The following EGR3 variants were observed in gnomAD, a reference collection of about 807,000 sequenced individuals.
EGR3 encodes the protein early growth response 3.
Under a neutral mutation model 22.4 loss-of-function variants are expected in EGR3, and 4 were observed. That is an observed-to-expected ratio of 0.18 (90% confidence interval 0.09 to 0.41). EGR3 has a LOEUF of 0.41. Among genes scored for constraint, EGR3 ranks in the 10% least tolerant of loss-of-function variants. EGR3 has a pLI of 1.00. For missense variants in EGR3, 315 were observed against 541.3 expected, an observed-to-expected ratio of 0.58 and a Z score of 4.15; for synonymous variants, 219 against 226.8, an observed-to-expected ratio of 0.97 and a Z score of 0.31.
chr8:22,690,221 G>A lies in EGR3; in HGVS notation c.*252C>T. ...CCGAACTGAACAAAGCGGGCTAGAC[G>A]CCACCTTTCCGCCCCCACGCCTTGG... On this transcript the variant is annotated 3_prime_UTR_variant, in exon 2 of 2. Coordinates refer to ENST00000317216, the MANE Select transcript of EGR3 (RefSeq NM_004430.3). The A allele has an allele frequency of 3.6e-6, 2 of 557,212 alleles. No individual in the cohort carries two copies. The highest frequency in any genetic ancestry group is 6.3e-6 in the Non-Finnish European group (2 of 315,656). The allele number at this position is 557,212 out of a possible 1,614,324, so 34.5% of individuals were successfully genotyped here.
chr8:22,691,773 A>G, intron 1 of EGR3: 2 of 985,104 alleles, frequency 2.0e-6, no homozygotes, highest in Non-Finnish European at 2.4e-6. Flanking sequence ...CGCGAGAAGC[A>G]TTGTTGTTCT....
Position 22,692,934 on chromosome 8 carries a change from T to G in EGR3, c.11A>C (p.Lys4Thr), listed in dbSNP as rs771517550. The G allele has an allele frequency of 6.2e-7, 1 of 1,611,170 alleles. No individual in the cohort carries two copies. Residue 4 changes from lysine (K) to threonine (T), a missense_variant, in exon 1 of 2, where the codon AAA (lysine) becomes ACA (threonine). Lys to Thr is a moderately conservative substitution (Grantham distance 78). Around this residue, in one of 4 missense-constraint regions of EGR3, gnomAD observed 227 missense variants for 303.6 expected, o/e 0.75. Transcript: ENST00000317216. The surrounding 1 kb of genome is among the most constrained non-coding windows in gnomAD (Gnocchi z 6.2). Reference sequence around the variant, plus strand: ...GGTCACCGGCAGCTTCTCGGCGAGTTTGCCGGTCATAGCACTCCCGAGCTG... The same window carrying G: ...GGTCACCGGCAGCTTCTCGGCGAGTGTGCCGGTCATAGCACTCCCGAGCTG... MTG[K>T]LAEKLPVTMS... is the part of the protein sequence containing the mutation.
rs1234240810 is a variant in EGR3 at position 22,693,180 on chromosome 8, C to T, written c.-236G>A. On this transcript the variant is annotated 5_prime_UTR_variant, in exon 1 of 2. Coordinates refer to ENST00000317216, the MANE Select transcript of EGR3 (RefSeq NM_004430.3). ...CCCAGGGGGTAATCCTCTTGGGTGCCTCAGCTGGTGCGGTATGAGGCTGGG... is the reference window on the plus strand; with the variant it reads ...CCCAGGGGGTAATCCTCTTGGGTGCTTCAGCTGGTGCGGTATGAGGCTGGG... The T allele has an allele frequency of 4.6e-5, 18 of 391,072 alleles. No homozygotes were observed. The highest frequency in any genetic ancestry group is 8.0e-5 in the Non-Finnish European group (18 of 225,516). The allele number at this position is 391,072 out of a possible 1,614,324, so 24.2% of individuals were successfully genotyped here. A position where few individuals can be genotyped will look rare whatever the true frequency, so the allele number is the denominator to read the frequency against.
chr8:22,691,282 C>A lies in EGR3; in HGVS notation c.355G>T (p.Ala119Ser). ...GILGVPPASG[A>S]LSTQTSTASM... ...GCCGTGGACGTCTGCGTGCTGAGCG[C>A]CCCTGAAGCCGGGGGCACCCCCAAG... Residue 119 changes from alanine to serine, a missense_variant, in exon 2 of 2, where the codon GCG becomes TCG. Ala to Ser is a moderately conservative substitution (Grantham distance 99, BLOSUM62 1). This residue lies in a region of EGR3 where 227 missense variants were observed against 303.6 expected (regional missense o/e 0.75). Transcript: ENST00000317216. The A allele has an allele frequency of 1.9e-6, 3 of 1,613,960 alleles. No individual in the cohort carries two copies. The highest frequency in any genetic ancestry group is 2.5e-6 in the Non-Finnish European group (3 of 1,180,012).
chr8:22,693,364 GCCA>G lies in EGR3; in HGVS notation c.-423_-421del, dbSNP rs1369697275. The G allele has an allele frequency of 7.8e-5, 4 of 51,438 alleles. No individual in the cohort carries two copies. Among genetic ancestry groups the G allele is most frequent in the Non-Finnish European group, 1.4e-4 (4 of 28,232 alleles). The allele number at this position is 51,438 out of a possible 1,614,324, so 3.2% of individuals were successfully genotyped here. The stretch of plus-strand genomic sequence containing the variant: ...CCGATCTGCCACCGCCACCGCCACC[GCCA>G]CCGCCGCCGCCGCCGCCGCCGCCGC... On this transcript the variant is annotated 5_prime_UTR_variant, in exon 1 of 2. Transcript: ENST00000317216.
chr8:22,691,215 T>C lies in EGR3; in HGVS notation c.422A>G (p.Tyr141Cys). ...GTTGGAGTAGGGGGGTAGCGCGGGA[T>C]ACATGGCCTCCACGTCACCCTGCGG... ...QPPQGDVEAMYPALPPYSNCG... is the reference protein window; with the variant it reads ...QPPQGDVEAMCPALPPYSNCG... The change falls in exon 2 of 2, where the codon TAT (tyrosine) becomes TGT (cysteine). Residue 141 changes from tyrosine to cysteine, a missense_variant. Tyr to Cys is a radical substitution (Grantham distance 194). This residue lies in a region of EGR3 where 227 missense variants were observed against 303.6 expected (regional missense o/e 0.75). Transcript: ENST00000317216. 3 of 1,613,968 alleles carry C rather than the reference T, an allele frequency of 1.9e-6. No individual in the cohort carries two copies. The highest frequency in any genetic ancestry group is 2.5e-6 in the Non-Finnish European group (3 of 1,179,986).
chr8:22,691,546 C>T (rs1249506901), intron 1 of EGR3, 64 bp from the exon 2 acceptor site: 6 of 1,574,486 alleles, frequency 3.8e-6, no homozygotes, highest in Non-Finnish European at 5.2e-6. Flanking sequence ...GGCCGCGGCG[C>T]CCAGGTCCTT....
chr8:22,692,801 C>T lies in EGR3; in HGVS notation c.144G>A (p.Gln48=). 1.2e-6 allele frequency: 2 copies of T among 1,613,436 alleles called. No homozygotes were observed. The highest frequency in any genetic ancestry group is 1.7e-6 in the Non-Finnish European group (2 of 1,179,784). Residue 48 remains glutamine, a synonymous_variant, in exon 1 of 2, where the codon CAG becomes CAA. Transcript: ENST00000317216. The surrounding 1 kb of genome is among the most constrained non-coding windows in gnomAD (Gnocchi z 6.2). ...CCCCGCCGCCCTTACCTGTAGCCAT[C>T]TGATTGTAATGGACTACCGAGTCGC... is the stretch of plus-strand genomic sequence containing the variant. ...GSSDSVVHYN[Q]MATENVMDIG... is the part of the protein sequence containing the mutation.
Position 22,693,370 on chromosome 8 carries a change from G to GCCA in EGR3, c.-427_-426insTGG, listed in dbSNP as rs1384725724. The GCCA allele has an allele frequency of 4.5e-3, 277 of 61,612 alleles. No homozygotes were observed. The highest frequency in any genetic ancestry group is 6.3e-3 in the Non-Finnish European group (211 of 33,712). 3.8% of individuals were successfully genotyped at this position (61,612 alleles called of 1,614,324 possible). A position where few individuals can be genotyped will look rare whatever the true frequency, so the allele number is the denominator to read the frequency against. ...TGCCACCGCCACCGCCACCGCCACC[G>GCCA]CCGCCGCCGCCGCCGCCGCCGCCGC... On this transcript the variant is annotated 5_prime_UTR_variant, in exon 1 of 2. Coordinates refer to ENST00000317216, the MANE Select transcript of EGR3 (RefSeq NM_004430.3).
chr8:22,688,628 A>G lies in EGR3; in HGVS notation c.*1845T>C, dbSNP rs1008319274. The G allele has an allele frequency of 6.6e-6, 1 of 152,668 alleles. No individual in the cohort carries two copies. The highest frequency in any genetic ancestry group is 1.5e-5 in the Non-Finnish European group (1 of 68,052). 9.5% of individuals were successfully genotyped at this position (152,668 alleles called of 1,614,324 possible). Reference sequence around the variant, plus strand: ...ACTTCTTTTTCTTAAAAAAGAAAAAAGTGGAAAACGCATAAAGTGACTTTA... The same window carrying G: ...ACTTCTTTTTCTTAAAAAAGAAAAAGGTGGAAAACGCATAAAGTGACTTTA... On this transcript the variant is annotated 3_prime_UTR_variant, in exon 2 of 2. Coordinates refer to ENST00000317216, the MANE Select transcript of EGR3 (RefSeq NM_004430.3).
chr8:22,692,380 G>C lies in EGR3; in HGVS notation c.154+411C>G, dbSNP rs985782555. The C allele has an allele frequency of 8.2e-6, 12 of 1,455,368 alleles. No individual in the cohort carries two copies. In the South Asian group the frequency reaches 1.6e-4, roughly 20 times the overall value. The allele number at this position is 1,455,368 out of a possible 1,614,324, so 90.2% of individuals were successfully genotyped here. On this transcript the variant is annotated intron_variant, in intron 1 of 1. Coordinates refer to ENST00000317216, the MANE Select transcript of EGR3 (RefSeq NM_004430.3). The surrounding 1 kb of genome is among the most constrained non-coding windows in gnomAD (Gnocchi z 6.2). Reference sequence around the variant, plus strand: ...CTGAGGGAGTAAGGGGGGAGAGCGCGGGTGAAAAAGACGCCGGGCTCCTCC... The same window carrying C: ...CTGAGGGAGTAAGGGGGGAGAGCGCCGGTGAAAAAGACGCCGGGCTCCTCC...
chr8:22,690,583 C>T lies in EGR3; in HGVS notation c.1054G>A (p.Ala352Thr). ...TCCTTTTGCTTGAGGTGGATCTTGG[C>T]GTGGCGCTTGCGCTCGTCGCTGCGC... The part of the protein sequence containing the change: ...FARSDERKRH[A>T]KIHLKQKEKK... The change falls in exon 2 of 2, where the codon GCC becomes ACC. Residue 352 changes from alanine (A) to threonine (T), a missense_variant. Coordinates refer to ENST00000317216, the MANE Select transcript of EGR3 (RefSeq NM_004430.3). 6.2e-7 allele frequency: 1 copy of T among 1,613,904 alleles called. No individual in the cohort carries two copies. Among genetic ancestry groups the T allele is most frequent in the Non-Finnish European group, 8.5e-7 (1 of 1,179,978 alleles).
chr8:22,691,816 A>G (rs553647309), intron 1 of EGR3: 2 of 985,368 alleles, frequency 2.0e-6, no homozygotes, highest in Non-Finnish European at 2.4e-6. Context: ...AGCTGCAGCT[A>G]CAGGTAGTTT....
rs1249904960 is a variant in EGR3, at chr8:22,692,749, C to T, written c.154+42G>A. ...TCGTCCCCTCCTCCTCTTCCTCTCC[C>T]CTTCCTTCCTCGCTGCCTCGCCGCC... On this transcript the variant is annotated intron_variant, in intron 1 of 1. Transcript: ENST00000317216. This position sits in a 1 kb window ranked among gnomAD's most constrained non-coding sequence, Gnocchi z 6.2. 6.2e-7 allele frequency: 1 copy of T among 1,609,220 alleles called. No individual in the cohort carries two copies. The highest frequency in any genetic ancestry group is 8.5e-7 in the Non-Finnish European group (1 of 1,178,708).
Position 22,690,752 on chromosome 8 carries a change from G to C in EGR3, c.885C>G (p.His295Gln). The C allele has an allele frequency of 6.2e-7, 1 of 1,613,956 alleles. No individual in the cohort carries two copies. Among genetic ancestry groups the C allele is most frequent in the Non-Finnish European group, 8.5e-7 (1 of 1,179,862 alleles). ...GCTTGTGGCCCGTGTGGATGCGCAG[G>C]TGCCGGGTCAGCTCGTCCGAACGGC... ...RFSRSDELTR[H>Q]LRIHTGHKPF... Residue 295 changes from histidine (H) to glutamine (Q), a missense_variant, in exon 2 of 2, where the codon CAC becomes CAG. Coordinates refer to ENST00000317216, the MANE Select transcript of EGR3 (RefSeq NM_004430.3).
chr8:22,691,528 C>G, intron 1 of EGR3, 46 bp from the exon 2 acceptor site: 1 of 1,591,948 alleles, frequency 6.3e-7, no homozygotes. Context: ...GAAGCCGATC[C>G]GGCTCCGGGC....
Position 22,692,672 on chromosome 8 carries a change from T to TCCAC in EGR3, c.154+115_154+118dup, listed in dbSNP as rs1346474218. 6 of 1,434,496 alleles carry TCCAC rather than the reference T, an allele frequency of 4.2e-6. No homozygotes were observed. The highest frequency in any genetic ancestry group is 2.1e-5 in the Admixed American group (1 of 46,860). The allele number at this position is 1,434,496 out of a possible 1,614,324, so 88.9% of individuals were successfully genotyped here. On this transcript the variant is annotated intron_variant, in intron 1 of 1. Coordinates refer to ENST00000317216, the MANE Select transcript of EGR3 (RefSeq NM_004430.3). This position sits in a 1 kb window ranked among gnomAD's most constrained non-coding sequence, Gnocchi z 6.2. ...CTCCATCCATTTATCTATCCACCCA[T>TCCAC]CCACCCATCCATCCATCCATCCATC...
Position 22,692,333 on chromosome 8 carries a change from T to A in EGR3, c.154+458A>T. 1 of 1,511,716 alleles carries A rather than the reference T, an allele frequency of 6.6e-7. No individual in the cohort carries two copies. The highest frequency in any genetic ancestry group is 8.8e-7 in the Non-Finnish European group (1 of 1,136,920). The allele number at this position is 1,511,716 out of a possible 1,614,324, so 93.6% of individuals were successfully genotyped here. On this transcript the variant is annotated intron_variant, in intron 1 of 1. Transcript: ENST00000317216. The surrounding 1 kb of genome is among the most constrained non-coding windows in gnomAD (Gnocchi z 6.2). ...CACCGCGGGGACTCCACGCCGCACATGGCTCCATCCCGGGTGGGAGGCTGA... is the reference window on the plus strand; with the variant it reads ...CACCGCGGGGACTCCACGCCGCACAAGGCTCCATCCCGGGTGGGAGGCTGA...
At position 22,692,059 on chromosome 8, in the gene EGR3, C is replaced by G. The variant is rs1223205104; in HGVS notation, c.155-577G>C. ...CTACCCCGGCCCCAGCCTCCTCGGG[C>G]ATGAAGGAGCTTTAGGCTCTTGCTG... On this transcript the variant is annotated intron_variant, in intron 1 of 1. Transcript: ENST00000317216. This position sits in a 1 kb window ranked among gnomAD's most constrained non-coding sequence, Gnocchi z 6.2. 2 of 1,324,348 alleles carry G rather than the reference C, an allele frequency of 1.5e-6. No homozygotes were observed. Among genetic ancestry groups the G allele is most frequent in the African/African-American group, 3.1e-5 (2 of 65,016 alleles). The allele number at this position is 1,324,348 out of a possible 1,614,324, so 82.0% of individuals were successfully genotyped here. A position where few individuals can be genotyped will look rare whatever the true frequency, so the allele number is the denominator to read the frequency against.
Sources: gnomAD v4.1 joint callset for allele counts on GRCh38, gnomAD v4.1.1 for gene constraint, gnomAD v4.1.1 regional missense constraint, Gnocchi (gnomAD v3.1) non-coding constraint, MANE v1.5 for transcripts, NCBI Gene and HGNC (gene_info 2026-07-23, HGNC 2026-07-21) for gene names.